The following RPGRIP1 variants were observed in gnomAD, a reference collection of about 807,000 sequenced individuals.
RPGRIP1 encodes the protein X-linked retinitis pigmentosa GTPase regulator-interacting protein 1.
Under a neutral mutation model 157.9 loss-of-function variants are expected in RPGRIP1, and 128 were observed. The ratio of observed to expected loss-of-function variants is 0.81; its 90% CI spans 0.70 to 0.94. The LOEUF is 0.94. Among genes scored for constraint, RPGRIP1 ranks in the 40% least tolerant of loss-of-function variants. RPGRIP1 has a pLI of 0.00. For missense variants in RPGRIP1, 1,486 were observed against 1,545.8 expected (o/e 0.96, Z 0.65); for synonymous variants, 554 against 571.6 (o/e 0.97, Z 0.44).
At chr14:21,292,749 CA>C (rs992577368) in intron 2 of RPGRIP1, among the ~76,000 whole-genome samples, 1 of 151,744 alleles carries the variant, frequency 6.6e-6, no homozygotes, top group Non-Finnish European at 1.5e-5. Flanking sequence ...GGCTGAGACA[CA>C]AGGATTGCTT....
chr14:21,330,899 A>T (rs979405411), intron 20 of RPGRIP1, among the ~76,000 whole-genome samples: 1 of 151,494 alleles, frequency 6.6e-6, no homozygotes, highest in African/African-American at 2.4e-5. Flanking sequence ...TTGCCCCAGG[A>T]TTTTTTTGTT....
At position 21,303,417 on chromosome 14, in the gene RPGRIP1, A is replaced by G; in HGVS notation, c.674A>G (p.His225Arg). The G allele has an allele frequency of 6.2e-7, 1 of 1,613,850 alleles. No individual in the cohort carries two copies. Residue 225 changes from histidine (H) to arginine (R), a missense_variant, in exon 6 of 25, where the codon CAC becomes CGC. Physicochemically the swap from His to Arg is conservative, Grantham distance 29. Transcript: ENST00000400017. Reference protein sequence around the residue: ...PIGLCMPNSAHIMASNTMQVE... With the variant: ...PIGLCMPNSARIMASNTMQVE... The stretch of plus-strand genomic sequence containing the variant: ...GGTCTATGCATGCCTAACAGTGCCC[A>G]CATCATGGCCAGCAATACCATGCAA...
intron 3 of RPGRIP1, among the ~76,000 whole-genome samples, chr14:21,299,569 C>T (rs1051252091): frequency 6.6e-6 from 1 of 152,110 alleles, no homozygotes; most frequent in Non-Finnish European, 1.5e-5. Flanking sequence ...CCCCACTGTT[C>T]TAAGCATTTT....
intron 1 of RPGRIP1, among the ~76,000 whole-genome samples, chr14:21,283,972 T>G (rs1880219603): frequency 6.6e-6 from 1 of 152,208 alleles, no homozygotes; most frequent in Admixed American, 6.6e-5. Context: ...GCGAAAGTAC[T>G]TAAACTTTGG....
chr14:21,350,981 AGAT>A, intron 24 of RPGRIP1, 120 bp from the exon 25 acceptor site: 5 of 588,202 alleles, frequency 8.5e-6, no homozygotes, highest in Non-Finnish European at 1.5e-5. Flanking sequence ...CTCCTTCACT[AGAT>A]TGAGTCCTCT....
intron 3 of RPGRIP1, among the ~76,000 whole-genome samples, chr14:21,298,494 G>C (rs557265891): frequency 6.6e-6 from 1 of 151,782 alleles, no homozygotes; most frequent in Non-Finnish European, 1.5e-5. Flanking sequence ...AGTGAGATTC[G>C]GTCTCAAAAC....
chr14:21,303,237 A>C, intron 5 of RPGRIP1, 94 bp from the exon 6 acceptor site: 2 of 811,540 alleles, frequency 2.5e-6, no homozygotes, highest in Non-Finnish European at 2.0e-6. Flanking sequence ...ACATGTACCA[A>C]GGTTACTGAT....
chr14:21,315,561 AG>A (rs1354146301), intron 10 of RPGRIP1, among the ~76,000 whole-genome samples: 2 of 151,644 alleles, frequency 1.3e-5, no homozygotes, highest in Admixed American at 6.6e-5. Context: ...AAAAGGCAGC[AG>A]GGGGTAGATT....
chr14:21,320,255 TAGAAA>T, intron 12 of RPGRIP1, 78 bp downstream of exon 12: 3 of 1,282,966 alleles, frequency 2.3e-6, no homozygotes, highest in Non-Finnish European at 3.3e-6. Context: ...ATGATGAGAT[TAGAAA>T]ACTAACTAAA....
At chr14:21,314,469 T>C (rs907064549) in intron 10 of RPGRIP1, among the ~76,000 whole-genome samples, 1 of 151,976 alleles carries the variant, frequency 6.6e-6, no homozygotes, top group African/African-American at 2.4e-5. Flanking sequence ...GAACTGGAAG[T>C]GGCCTGGCAT....
At chr14:21,313,163 A>C (rs1881611635) in intron 10 of RPGRIP1, among the ~76,000 whole-genome samples, 1 of 151,894 alleles carries the variant, frequency 6.6e-6, no homozygotes, top group African/African-American at 2.4e-5. Flanking sequence ...GCTGGGGGGA[A>C]TCAAAATGAA....
In RPGRIP1 at chr14:21,325,306, G is replaced by A. The variant is rs750803190; in HGVS notation, c.2290G>A (p.Ala764Thr). The A allele has an allele frequency of 6.2e-7, 1 of 1,611,918 alleles. No homozygotes were observed. Among genetic ancestry groups the A allele is most frequent in the East Asian group, 2.2e-5 (1 of 44,850 alleles). Residue 764 changes from alanine (A) to threonine (T), a missense_variant, in exon 16 of 25, where the codon GCG becomes ACG. By Grantham distance (58) the Ala-to-Thr change is moderately conservative. Coordinates refer to ENST00000400017, the MANE Select transcript of RPGRIP1 (RefSeq NM_020366.4). ...TTTCCCCATAAAACCCAGCCTACAG[G>A]CGTGCAATAAACGAAAGAAAGCCCA... ...LRFPIKPSLQ[A>T]CNKRKKAQVY...
Position 21,318,025 on chromosome 14 carries a change from A to G in RPGRIP1, c.1306+175A>G, listed in dbSNP as rs570124987. The G allele has an allele frequency of 2.6e-5, 18 of 703,506 alleles. 1 individual carries two copies. In the Admixed American group the frequency reaches 2.7e-4, roughly 10 times the overall value. The allele number at this position is 703,506 out of a possible 1,614,324, so 43.6% of individuals were successfully genotyped here. A position where few individuals can be genotyped will look rare whatever the true frequency, so the allele number is the denominator to read the frequency against. Reference sequence around the variant, plus strand: ...AGATCAGATCTACAATCAGGAAAACATGACACTTACCTACCTCTCATGTAT... The same window carrying G: ...AGATCAGATCTACAATCAGGAAAACGTGACACTTACCTACCTCTCATGTAT... On this transcript the variant is annotated intron_variant, in intron 11 of 24. Coordinates refer to ENST00000400017, the MANE Select transcript of RPGRIP1 (RefSeq NM_020366.4).
At chr14:21,304,391 GAAAGAA>G (rs764691015) in intron 6 of RPGRIP1, among the ~76,000 whole-genome samples, 1 of 29,104 alleles carries the variant, frequency 3.4e-5, no homozygotes, top group Non-Finnish European at 7.6e-5. Context: ...AGGAGAGAGA[GAAAGAA>G]AGAAAGAAAG....
At chr14:21,325,197 G>T in intron 15 of RPGRIP1, 35 bp from the exon 16 acceptor site, 1 of 1,577,436 alleles carries the variant, frequency 6.3e-7, no homozygotes, top group Non-Finnish European at 8.6e-7. Flanking sequence ...CACACCATCT[G>T]TATTCCCCCT....
chr14:21,302,570 T>C lies in RPGRIP1; in HGVS notation c.573T>C (p.Ser191=). Residue 191 remains serine (S), a synonymous_variant, in exon 5 of 25, where the codon AGT becomes AGC. Transcript: ENST00000400017. ...ATNENRGEVA[S]KPSELVSGSN... is the part of the protein sequence containing the mutation. ...ATGAAAACAGAGGTGAAGTAGCCAGTAAACCCAGTGAACTGTGAGTTCTTC... is the reference window on the plus strand; with the variant it reads ...ATGAAAACAGAGGTGAAGTAGCCAGCAAACCCAGTGAACTGTGAGTTCTTC... 6.4e-7 allele frequency: 1 copy of C among 1,574,138 alleles called. No individual in the cohort carries two copies. Among genetic ancestry groups the C allele is most frequent in the Non-Finnish European group, 8.6e-7 (1 of 1,157,342 alleles).
intron 3 of RPGRIP1, among the ~76,000 whole-genome samples, chr14:21,298,941 TAAAAAAA>T (rs10555165): frequency 1.2e-5 from 1 of 82,510 alleles, no homozygotes; most frequent in East Asian, 5.6e-4. Flanking sequence ...CTCTGTCTCA[TAAAAAAA>T]AAAAAAAAAA....
intron 2 of RPGRIP1, 146 bp downstream of exon 2, chr14:21,288,207 G>A (rs1880373889): frequency 3.3e-6 from 2 of 601,550 alleles, no homozygotes; most frequent in South Asian, 4.0e-5. Context: ...TTGAGATGGA[G>A]TCTCGCTCTG....
At chr14:21,304,461 ATAAGTTTATG>A (rs1230783015) in intron 6 of RPGRIP1, among the ~76,000 whole-genome samples, 2 of 152,048 alleles carry the variant, frequency 1.3e-5, no homozygotes, top group Non-Finnish European at 2.9e-5. Context: ...CCTAAAGGAG[ATAAGTTTATG>A]TATAAAAGGA....
Sources: allele counts gnomAD v4.1 joint callset (sites outside exome capture counted in the v4.1 genomes callset), GRCh38; gene constraint gnomAD v4.1.1; transcripts MANE v1.5; gene names NCBI Gene and HGNC (gene_info 2026-07-23, HGNC 2026-07-21).